The following XPO7 variants were observed in gnomAD, a reference collection of about 807,000 sequenced individuals.
The protein encoded by XPO7 is exportin 7.
In XPO7, 21 loss-of-function variants were observed where a neutral mutation model predicts 144.3. That is an observed-to-expected ratio of 0.15 (90% confidence interval 0.10 to 0.21). The LOEUF is 0.21. Among genes scored for constraint, XPO7 ranks in the 10% least tolerant of loss-of-function variants. The pLI is 1.00. For synonymous variants in XPO7, 580 were observed against 499.6 expected (o/e 1.16, Z -2.15); for missense variants, 808 against 1,325.8 (o/e 0.61, Z 6.06).
intron 1 of XPO7, among the ~76,000 whole-genome samples, chr8:21,936,137 T>A (rs1029341883): frequency 6.6e-6 from 1 of 152,200 alleles, no homozygotes; most frequent in Non-Finnish European, 1.5e-5. Flanking sequence ...CTGCTAACCC[T>A]ACCTCTGCTA....
At chr8:21,976,569 G>GA in intron 7 of XPO7, 48 bp downstream of exon 7, 1 of 1,564,494 alleles carries the variant, frequency 6.4e-7, no homozygotes, top group Non-Finnish European at 8.7e-7. Context: ...CTCCCCTACA[G>GA]AGTGTCTGTA....
At chr8:21,939,726 C>G (rs1193632424) in intron 1 of XPO7, among the ~76,000 whole-genome samples, 1 of 152,028 alleles carries the variant, frequency 6.6e-6, no homozygotes, top group African/African-American at 2.4e-5. Context: ...CTAAAAAGAT[C>G]AGAGGATAAG....
At chr8:21,989,145 C>G in intron 16 of XPO7, 62 bp downstream of exon 16, 1 of 1,434,986 alleles carries the variant, frequency 7.0e-7, no homozygotes, top group Non-Finnish European at 9.7e-7. Flanking sequence ...GTCTTAGAAT[C>G]ATGGCCTCCT....
At chr8:21,961,222 T>G (rs1304589761) in intron 1 of XPO7, among the ~76,000 whole-genome samples, 5 of 151,662 alleles carry the variant, frequency 3.3e-5, no homozygotes, top group Non-Finnish European at 7.4e-5. Flanking sequence ...TTTTTTTTCT[T>G]TTTTTGAGAC....
At chr8:21,987,344 A>G (rs749584892) in intron 14 of XPO7, 68 bp downstream of exon 14, 1 of 1,598,408 alleles carries the variant, frequency 6.3e-7, no homozygotes, top group Non-Finnish European at 8.6e-7. Flanking sequence ...ATGGAGGGAA[A>G]CAGTTGCTGA....
At chr8:21,946,574 G>GAAAAAAAAAAACA (rs1554512847) in intron 1 of XPO7, among the ~76,000 whole-genome samples, 6 of 89,052 alleles carry the variant, frequency 6.7e-5, no homozygotes, top group Non-Finnish European at 4.1e-5. Flanking sequence ...TTCTAGAACT[G>GAAAAAAAAAAACA]AAAAAAAAAA....
At chr8:21,930,698 C>T (rs1810615993) in intron 1 of XPO7, among the ~76,000 whole-genome samples, 2 of 152,100 alleles carry the variant, frequency 1.3e-5, no homozygotes, top group South Asian at 2.1e-4. Context: ...ATAATTGTAC[C>T]GTAGGTGTGT....
intron 15 of XPO7, 152 bp from the exon 16 acceptor site, chr8:21,988,851 C>T (rs1311458520): frequency 4.7e-6 from 3 of 640,006 alleles, no homozygotes; most frequent in East Asian, 2.8e-5. Flanking sequence ...CAGAGATTTC[C>T]TACCCATCTT....
intron 1 of XPO7, among the ~76,000 whole-genome samples, chr8:21,959,643 T>TA (rs545028402): frequency 0.013 from 1,985 of 149,854 alleles, 19 homozygotes; most frequent in African/African-American, 0.03. Context: ...ATTCTCACTT[T>TA]AAAAAAAAAA....
chr8:21,963,103 A>G (rs534063825), intron 1 of XPO7, among the ~76,000 whole-genome samples: 2 of 152,210 alleles, frequency 1.3e-5, no homozygotes, highest in South Asian at 4.1e-4. Flanking sequence ...CATTCGAATT[A>G]TGATAATTCA....
At chr8:21,946,778 A>T (rs1016726213) in intron 1 of XPO7, among the ~76,000 whole-genome samples, 3 of 151,714 alleles carry the variant, frequency 2.0e-5, no homozygotes, top group African/African-American at 7.3e-5. Flanking sequence ...TAAAACTCAT[A>T]CCTACACACT....
chr8:21,942,554 G>C (rs1179673218), intron 1 of XPO7, among the ~76,000 whole-genome samples: 2 of 152,140 alleles, frequency 1.3e-5, no homozygotes, highest in African/African-American at 4.8e-5. Flanking sequence ...CGTTGTTTTG[G>C]TTGAAGTGTG....
chr8:21,995,577 A>G lies in XPO7; in HGVS notation c.2323A>G (p.Met775Val), dbSNP rs759062692. 1.2e-6 allele frequency: 2 copies of G among 1,605,266 alleles called. No homozygotes were observed. Among genetic ancestry groups the G allele is most frequent in the South Asian group, 1.1e-5 (1 of 89,076 alleles). ...PACTTPVLKL[M>V]AELVHNRSQR... ...CTGTACTACACCTGTACTCAAGTTG[A>G]TGGCTGAATTGGTTCATAATAGGTA... The change falls in exon 21 of 28, where the codon ATG (methionine) becomes GTG (valine). Residue 775 changes from methionine (M) to valine (V), a missense_variant. Met to Val is a conservative substitution (Grantham distance 21). This residue lies in a region of XPO7 where 416 missense variants were observed against 612.5 expected (regional missense o/e 0.68). Transcript: ENST00000252512.
intron 21 of XPO7, among the ~76,000 whole-genome samples, chr8:21,997,921 T>G (rs1813005717): frequency 6.6e-6 from 1 of 152,212 alleles, no homozygotes; most frequent in South Asian, 2.1e-4. Context: ...CATCAAAATG[T>G]GGAGCAGACA....
chr8:21,942,170 C>G (rs1811014744), intron 1 of XPO7, among the ~76,000 whole-genome samples: 2 of 152,094 alleles, frequency 1.3e-5, no homozygotes, highest in Non-Finnish European at 1.5e-5. Context: ...TTTTGTAAGT[C>G]CTACTGTGTT....
chr8:21,922,056 A>G (rs1197313361), intron 1 of XPO7, among the ~76,000 whole-genome samples: 1 of 152,226 alleles, frequency 6.6e-6, no homozygotes, highest in Non-Finnish European at 1.5e-5. Flanking sequence ...TATTTTTCTT[A>G]TAACACTAAT....
At chr8:21,939,285 G>A (rs1171291777) in intron 1 of XPO7, among the ~76,000 whole-genome samples, 3 of 150,386 alleles carry the variant, frequency 2.0e-5, no homozygotes, top group Non-Finnish European at 3.0e-5. Context: ...GCAGTGCTGC[G>A]ATCTTAGCTC....
intron 1 of XPO7, among the ~76,000 whole-genome samples, chr8:21,923,170 C>G (rs1349726143): frequency 6.6e-6 from 1 of 152,164 alleles, no homozygotes; most frequent in Non-Finnish European, 1.5e-5. Flanking sequence ...TCCAGTTCGA[C>G]TAATACCAGA....
intron 9 of XPO7, among the ~76,000 whole-genome samples, chr8:21,981,235 G>T (rs1358902582): frequency 6.6e-6 from 1 of 152,148 alleles, no homozygotes; most frequent in Non-Finnish European, 1.5e-5. Flanking sequence ...ACTACTATAT[G>T]AATAAATTAC....
Sources: gnomAD v4.1 joint callset for allele counts (sites outside exome capture counted in the v4.1 genomes callset) on GRCh38, gnomAD v4.1.1 for gene constraint, gnomAD v4.1.1 regional missense constraint, MANE v1.5 for transcripts, NCBI Gene and HGNC (gene_info 2026-07-23, HGNC 2026-07-21) for gene names.